Variants in CD101 observed in about 807,000 individuals in gnomAD.
CD101 encodes immunoglobulin superfamily member 2.
CD101 carries 76 observed loss-of-function variants against 98.2 expected under a neutral mutation model. That is an observed-to-expected ratio of 0.77 (90% CI 0.64 to 0.94). CD101 has a LOEUF of 0.94. Ranked by LOEUF, CD101 falls within the 40% of genes least tolerant of loss-of-function variation. The pLI, the probability that CD101 is intolerant of heterozygous loss-of-function variation, is 0.00. For missense variants in CD101, 1,145 were observed against 1,218.8 expected, an observed-to-expected ratio of 0.94 and a Z score of 0.90; for synonymous variants, 471 against 472.7, an observed-to-expected ratio of 1.00 and a Z score of 0.05.
chr1:117,028,107 A>AAATAAATAAATAAATAAAT (rs148309572), intron 8 of CD101, among the ~76,000 whole-genome samples: 58 of 148,158 alleles, frequency 3.9e-4, no homozygotes, highest in African/African-American at 1.4e-3. Context: ...ATAAATAAAT[A>AAATAAATAAATAAATAAAT]AAATAAAATA....
rs1439654114 is a variant in CD101 at position 117,013,465 on chromosome 1, G to C, written c.901G>C (p.Glu301Gln). The change falls in exon 4 of 10, where the codon GAA (glutamate) becomes CAA (glutamine). Residue 301 changes from glutamate (E) to glutamine (Q), a missense_variant. Transcript: ENST00000682167. ...DSLFAEGKPL[E>Q]LVCLVVSSGR... Reference sequence around the variant, plus strand: ...CTTGTTTGCTGAAGGGAAACCCTTAGAACTGGTTTGCCTGGTTGTAAGCAG... The same window carrying C: ...CTTGTTTGCTGAAGGGAAACCCTTACAACTGGTTTGCCTGGTTGTAAGCAG... 1.2e-6 allele frequency: 2 copies of C among 1,614,128 alleles called. No homozygotes were observed. The highest frequency in any genetic ancestry group is 3.3e-5 in the Admixed American group (2 of 60,020).
chr1:117,033,798 G>A lies in CD101; in HGVS notation c.2825-62G>A. ...ATAACAATAAATCCCAGGAGTGTTT[G>A]TAATTGACTAGTACAAATAAGTTGG... is the stretch of plus-strand genomic sequence containing the variant. On this transcript the variant is annotated intron_variant, in intron 8 of 9. Coordinates refer to ENST00000682167, the MANE Select transcript of CD101 (RefSeq NM_001256106.3). This position sits in a 1 kb window ranked among gnomAD's most constrained non-coding sequence, Gnocchi z 4.8. 6.2e-7 allele frequency: 1 copy of A among 1,603,656 alleles called. No individual in the cohort carries two copies. The highest frequency in any genetic ancestry group is 8.5e-7 in the Non-Finnish European group (1 of 1,173,776).
Position 117,013,474 on chromosome 1 carries a change from T to G in CD101, c.910T>G (p.Cys304Gly), listed in dbSNP as rs766805575. 1 of 1,614,088 alleles carries G rather than the reference T, an allele frequency of 6.2e-7. No homozygotes were observed. The highest frequency in any genetic ancestry group is 8.5e-7 in the Non-Finnish European group (1 of 1,180,030). ...FAEGKPLELVCLVVSSGRDPQ... is the reference protein window; with the variant it reads ...FAEGKPLELVGLVVSSGRDPQ... ...TGAAGGGAAACCCTTAGAACTGGTT[T>G]GCCTGGTTGTAAGCAGTGGCCGTGA... The change falls in exon 4 of 10, where the codon TGC becomes GGC. Residue 304 changes from cysteine (C) to glycine (G), a missense_variant. Transcript: ENST00000682167.
At chr1:117,035,338 C>T (rs762524702) in intron 9 of CD101, among the ~76,000 whole-genome samples, 5 of 152,180 alleles carry the variant, frequency 3.3e-5, no homozygotes, top group Non-Finnish European at 2.9e-5. Flanking sequence ...CAGGCACACA[C>T]GTCCTCTCCA....
intron 1 of CD101, among the ~76,000 whole-genome samples, chr1:117,003,544 C>T (rs1408361090): frequency 6.6e-6 from 1 of 152,128 alleles, no homozygotes; most frequent in African/African-American, 2.4e-5. Context: ...GTGTGATTCT[C>T]AAGTGTATGT....
intron 8 of CD101, among the ~76,000 whole-genome samples, chr1:117,029,195 G>GAAAGAAAGAAAGAAGGAAAGAAAGA (rs1654198305): frequency 1.3e-5 from 1 of 76,818 alleles, no homozygotes; most frequent in Non-Finnish European, 2.6e-5. Flanking sequence ...AAGAAAGAAA[G>GAAAGAAAGAAAGAAGGAAAGAAAGA]AAAGAAAGAA....
rs1017189730 is a variant in CD101 at position 117,018,673 on chromosome 1, A to G, written c.2017+113A>G. ...AAATACTTTCTCCCATATTTGTTCT[A>G]TCTAAGTAAGCACCACATGATGAAT... On this transcript the variant is annotated intron_variant, in intron 6 of 9. Coordinates refer to ENST00000682167, the MANE Select transcript of CD101 (RefSeq NM_001256106.3). This position sits in a 1 kb window ranked among gnomAD's most constrained non-coding sequence, Gnocchi z 4.3. The G allele has an allele frequency of 2.3e-5, 24 of 1,032,968 alleles. 1 individual carries two copies. In the East Asian group the frequency reaches 5.7e-4, roughly 25 times the overall value. 64.0% of individuals were successfully genotyped at this position (1,032,968 alleles called of 1,614,324 possible). A position where few individuals can be genotyped will look rare whatever the true frequency, so the allele number is the denominator to read the frequency against.
intron 5 of CD101, 88 bp downstream of exon 5, chr1:117,017,561 C>A: frequency 7.4e-7 from 1 of 1,353,580 alleles, no homozygotes; most frequent in Non-Finnish European, 1.0e-6. Context: ...TCCTGAATCC[C>A]CCAGTGATGG....
intron 8 of CD101, among the ~76,000 whole-genome samples, chr1:117,027,812 A>T (rs1282033019): frequency 1.3e-5 from 2 of 152,218 alleles, no homozygotes; most frequent in African/African-American, 4.8e-5. Context: ...GGTCGGGCAC[A>T]GTGGCTCGTG....
At chr1:117,032,284 A>G (rs1041561251) in intron 8 of CD101, 2 of 152,170 alleles carry the variant, frequency 1.3e-5, no homozygotes, top group Admixed American at 6.5e-5. Context: ...CTGGGTTCCC[A>G]TGTGTGGAAT....
At chr1:117,034,974 G>C (rs962227021) in intron 9 of CD101, among the ~76,000 whole-genome samples, 2 of 152,202 alleles carry the variant, frequency 1.3e-5, no homozygotes, top group Non-Finnish European at 2.9e-5. Flanking sequence ...GTCTGGAGGA[G>C]CAGGGTTGAC....
At chr1:117,027,330 C>T (rs1234406087) in intron 8 of CD101, among the ~76,000 whole-genome samples, 4 of 152,086 alleles carry the variant, frequency 2.6e-5, no homozygotes, top group Middle Eastern at 3.2e-3. Context: ...CTGTTCCCAC[C>T]GAGCTTGGAA....
chr1:117,001,912 AGGGT>A, intron 1 of CD101, 52 bp downstream of exon 1: 4 of 1,545,858 alleles, frequency 2.6e-6, no homozygotes, highest in Non-Finnish European at 3.6e-6. Flanking sequence ...TCATCAACTC[AGGGT>A]GCTGAGTGAT....
rs1653682797 is a variant in CD101, at chr1:117,023,176, T to C, written c.2428+1193T>C. Among the ~76,000 whole-genome samples the C allele has an allele frequency of 6.6e-6, 1 of 152,220 alleles. No individual in the cohort carries two copies. Among genetic ancestry groups the C allele is most frequent in the South Asian group, 2.1e-4 (1 of 4,830 alleles). The stretch of plus-strand genomic sequence containing the variant: ...ACTTAGCATCTCTGCCATCTCACCA[T>C]GCTCATTTGCACTTCTGCATTTCCC... On this transcript the variant is annotated intron_variant, in intron 7 of 9. Transcript: ENST00000682167. The surrounding 1 kb of genome is among the most constrained non-coding windows in gnomAD (Gnocchi z 4.4).
chr1:117,014,185 TTG>T (rs3220776), intron 4 of CD101, among the ~76,000 whole-genome samples: 4,332 of 141,196 alleles, frequency 0.031, 125 homozygotes, highest in African/African-American at 0.08. Context: ...CCCTCTGCCT[TTG>T]TGTGTGTGTG....
At chr1:117,009,068 T>G (rs1652718350) in intron 1 of CD101, among the ~76,000 whole-genome samples, 1 of 152,254 alleles carries the variant, frequency 6.6e-6, no homozygotes, top group Non-Finnish European at 1.5e-5. Context: ...TATTACCATT[T>G]AATCATGCTT....
chr1:117,010,112 C>T lies in CD101; in HGVS notation c.306C>T (p.Asn102=), dbSNP rs1260153168. The change falls in exon 2 of 10, where the codon AAC becomes AAT. Residue 102 remains asparagine (N), a synonymous_variant. Transcript: ENST00000682167. This position sits in a 1 kb window ranked among gnomAD's most constrained non-coding sequence, Gnocchi z 5.2. ...TCTACGTGGAGAGGGTCCAGGGCAA[C>T]TCAGTCTTGTTGCACATCTCAAAAC... ...GDVYVERVQG[N]SVLLHISKLQ... 3 of 1,614,088 alleles carry T rather than the reference C, an allele frequency of 1.9e-6. No homozygotes were observed. The African/African-American group carries it at 4.0e-5, about 22-fold the overall frequency.
chr1:117,011,604 A>G lies in CD101; in HGVS notation c.479A>G (p.Glu160Gly). The change falls in exon 3 of 10, where the codon GAA becomes GGA. Residue 160 changes from glutamate to glycine, a missense_variant. Glu to Gly is a moderately conservative substitution (Grantham distance 98). Transcript: ENST00000682167. ...TMSSQTLGKE[E>G]GEPLALTCEA... ...AGTTCTCAGACTCTCGGTAAGGAGGAAGGTGAGCCATTAGCCCTCACCTGT... is the reference window on the plus strand; with the variant it reads ...AGTTCTCAGACTCTCGGTAAGGAGGGAGGTGAGCCATTAGCCCTCACCTGT... 1 of 1,613,962 alleles carries G rather than the reference A, an allele frequency of 6.2e-7. No individual in the cohort carries two copies. Among genetic ancestry groups the G allele is most frequent in the South Asian group, 1.1e-5 (1 of 91,068 alleles).
intron 9 of CD101, among the ~76,000 whole-genome samples, chr1:117,035,325 G>T (rs1654743552): frequency 6.6e-6 from 1 of 152,084 alleles, no homozygotes; most frequent in Non-Finnish European, 1.5e-5. Context: ...TTAATTATTT[G>T]ATCAGGCACA....
Sources: gnomAD v4.1 joint callset for allele counts (sites outside exome capture counted in the v4.1 genomes callset) on GRCh38, gnomAD v4.1.1 for gene constraint, Gnocchi (gnomAD v3.1) non-coding constraint, MANE v1.5 for transcripts, NCBI Gene and HGNC (gene_info 2026-07-23, HGNC 2026-07-21) for gene names.